PADI2: variants seen among roughly 807,000 people sequenced by gnomAD.
PADI2 encodes the protein protein-arginine deiminase type-2.
A neutral mutation model predicts 81.1 loss-of-function variants in PADI2; 70 were observed. The observed-to-expected ratio is 0.86, with a 90% CI of 0.71 to 1.05. PADI2 has a LOEUF of 1.05. Ranked by LOEUF, PADI2 falls within the 50% of genes least tolerant of loss-of-function variation. The pLI is 0.00. For missense variants in PADI2, 853 were observed against 889.9 expected, an observed-to-expected ratio of 0.96 and a Z score of 0.53; for synonymous variants, 338 against 358.0, an observed-to-expected ratio of 0.94 and a Z score of 0.63.
intron 8 of PADI2, among the ~76,000 whole-genome samples, chr1:17,084,225 C>T (rs925745680): frequency 6.6e-6 from 1 of 152,200 alleles, no homozygotes; most frequent in African/African-American, 2.4e-5. Context: ...CCTTGGTTCT[C>T]ATCTTGCTGT....
At chr1:17,114,021 G>A (rs1311785743) in intron 1 of PADI2, among the ~76,000 whole-genome samples, 1 of 152,248 alleles carries the variant, frequency 6.6e-6, no homozygotes, top group African/African-American at 2.4e-5. Flanking sequence ...CCTGAAACCA[G>A]AGCCCTGGAG....
intron 1 of PADI2, among the ~76,000 whole-genome samples, chr1:17,116,067 G>A (rs1053257408): frequency 4.6e-5 from 7 of 152,220 alleles, no homozygotes; most frequent in Admixed American, 2.6e-4. Context: ...GACCCTGAGT[G>A]TACATCTTCT....
At chr1:17,080,794 G>T (rs909662203) in intron 10 of PADI2, among the ~76,000 whole-genome samples, 1 of 152,192 alleles carries the variant, frequency 6.6e-6, no homozygotes, top group Non-Finnish European at 1.5e-5. Context: ...ATCTTGTTTG[G>T]GAGCTTGCAC....
chr1:17,108,813 G>A (rs1931472800), intron 1 of PADI2, among the ~76,000 whole-genome samples: 1 of 152,228 alleles, frequency 6.6e-6, no homozygotes, highest in Middle Eastern at 3.2e-3. Context: ...AAAAATGTGA[G>A]CTGGGTTAAA....
chr1:17,099,475 G>T (rs1451111844), intron 3 of PADI2, among the ~76,000 whole-genome samples: 1 of 152,140 alleles, frequency 6.6e-6, no homozygotes, highest in Non-Finnish European at 1.5e-5. Context: ...GGTCTTGAAG[G>T]TCCTTAGGGA....
intron 10 of PADI2, 100 bp from the exon 11 acceptor site, chr1:17,079,515 G>C: frequency 2.0e-6 from 2 of 1,014,572 alleles, no homozygotes; most frequent in East Asian, 2.5e-5. Flanking sequence ...GGGTCTGTGG[G>C]CACCCAGTTT....
rs576418722 is a variant in PADI2, at chr1:17,084,514, G to T, written c.938+85C>A. On this transcript the variant is annotated intron_variant, in intron 8 of 15. Coordinates refer to ENST00000375486, the MANE Select transcript of PADI2 (RefSeq NM_007365.3). ...CAAGGTAACACAGTGGTAAGTGACG[G>T]GGCCAGGAACTAGACTCATGTCCAT... 387 of 747,780 alleles carry T rather than the reference G, an allele frequency of 5.2e-4. 6 individuals are homozygous for T. The South Asian group carries it at 6.6e-3, about 13-fold the overall frequency. 46.3% of individuals were successfully genotyped at this position (747,780 alleles called of 1,614,324 possible).
intron 13 of PADI2, among the ~76,000 whole-genome samples, chr1:17,072,583 C>T (rs950323020): frequency 6.6e-6 from 1 of 152,200 alleles, no homozygotes; most frequent in Non-Finnish European, 1.5e-5. Flanking sequence ...TGTGCTTCTA[C>T]TCTCTGCTGA....
intron 11 of PADI2, chr1:17,079,023 C>T (rs1424266608): frequency 8.4e-6 from 3 of 357,234 alleles, no homozygotes; most frequent in Non-Finnish European, 1.5e-5. Context: ...TCTCATTATA[C>T]ACCTTTCCAC....
At chr1:17,074,560 C>G (rs2078287512) in intron 13 of PADI2, among the ~76,000 whole-genome samples, 1 of 152,148 alleles carries the variant, frequency 6.6e-6, no homozygotes, top group Admixed American at 6.5e-5. Context: ...ACCATTTAAC[C>G]CTCCACTGGG....
intron 11 of PADI2, among the ~76,000 whole-genome samples, chr1:17,077,453 G>C (rs927633106): frequency 6.6e-6 from 1 of 152,148 alleles, no homozygotes. Flanking sequence ...AGCTCCTCGA[G>C]GGGGTTCAGG....
At chr1:17,104,239 G>A (rs9435678) in intron 2 of PADI2, among the ~76,000 whole-genome samples, 9,709 of 145,646 alleles carry the variant, frequency 0.067, 783 homozygotes, top group African/African-American at 0.2. Flanking sequence ...GCAGTGAGCC[G>A]AGATCGCATC....
intron 1 of PADI2, among the ~76,000 whole-genome samples, chr1:17,116,406 C>T (rs1388289818): frequency 1.3e-5 from 2 of 152,184 alleles, no homozygotes; most frequent in Non-Finnish European, 2.9e-5. Flanking sequence ...CTGGGCCCAG[C>T]ACCCCCGGGC....
rs1277088752 is a variant in PADI2 at position 17,068,211 on chromosome 1, C to T, written c.*833G>A. The T allele has an allele frequency of 6.5e-6, 1 of 152,890 alleles. No individual in the cohort carries two copies. Among genetic ancestry groups the T allele is most frequent in the African/African-American group, 2.4e-5 (1 of 41,450 alleles). The allele number at this position is 152,890 out of a possible 1,614,324, so 9.5% of individuals were successfully genotyped here. A position where few individuals can be genotyped will look rare whatever the true frequency, so the allele number is the denominator to read the frequency against. On this transcript the variant is annotated 3_prime_UTR_variant, in exon 16 of 16. Coordinates refer to ENST00000375486, the MANE Select transcript of PADI2 (RefSeq NM_007365.3). ...GTCAAGGCAGTGGAAGGAGGAAGGT[C>T]AGGGAGCGGCCAGAGAATCAAGGAC...
At chr1:17,079,552 A>C in intron 10 of PADI2, 137 bp from the exon 11 acceptor site, 1 of 624,284 alleles carries the variant, frequency 1.6e-6, no homozygotes, top group Non-Finnish European at 2.7e-6. Flanking sequence ...CGGTCTTCCT[A>C]TGATTAACAA....
intron 4 of PADI2, 54 bp from the exon 5 acceptor site, chr1:17,093,738 C>G: frequency 1.9e-6 from 2 of 1,055,060 alleles, no homozygotes; most frequent in African/African-American, 1.6e-5. Context: ...TGTATAGACC[C>G]CATGGGACAC....
chr1:17,077,062 C>T (rs1304729022), intron 11 of PADI2, among the ~76,000 whole-genome samples: 1 of 152,142 alleles, frequency 6.6e-6, no homozygotes, highest in African/African-American at 2.4e-5. Flanking sequence ...CTTGCTATCC[C>T]TTGGGGCTTT....
Position 17,117,137 on chromosome 1 carries a change from A to G in PADI2, c.92+2143T>C, listed in dbSNP as rs368871546. On this transcript the variant is annotated intron_variant, in intron 1 of 15. Transcript: ENST00000375486. ...ATAGTGCGAGATTGAGAAACTCTGC[A>G]CTAGACCTGTTCTGTCCCGGTGTCA... Among the ~76,000 whole-genome samples, 13 of 152,330 alleles carry G rather than the reference A, an allele frequency of 8.5e-5. 1 individual carries two copies. The South Asian group carries it at 2.7e-3, about 32-fold the overall frequency.
At chr1:17,095,189 T>C (rs1246732238) in intron 4 of PADI2, among the ~76,000 whole-genome samples, 1 of 152,196 alleles carries the variant, frequency 6.6e-6, no homozygotes, top group Admixed American at 6.5e-5. Context: ...AGCCTGAATG[T>C]ACACAGAGCA....
Sources: gnomAD v4.1 joint callset for allele counts (sites outside exome capture counted in the v4.1 genomes callset) on GRCh38, gnomAD v4.1.1 for gene constraint, MANE v1.5 for transcripts, NCBI Gene and HGNC (gene_info 2026-07-23, HGNC 2026-07-21) for gene names.